CNTNAP2: variants seen among roughly 807,000 people sequenced by gnomAD.
The protein encoded by CNTNAP2 is contactin-associated protein-like 2.
Under a neutral mutation model 155.2 loss-of-function variants are expected in CNTNAP2, and 98 were observed. That is an observed-to-expected ratio of 0.63 (90% confidence interval 0.54 to 0.75). The LOEUF (loss-of-function observed/expected upper bound fraction) is 0.75, where lower values mean the gene tolerates loss of function less well. Among genes scored for constraint, CNTNAP2 ranks in the 30% least tolerant of loss-of-function variants. CNTNAP2 has a pLI of 0.00. For synonymous variants in CNTNAP2, 651 were observed against 631.2 expected, an observed-to-expected ratio of 1.03 and a Z score of -0.47; for missense variants, 1,727 against 1,688.1, an observed-to-expected ratio of 1.02 and a Z score of -0.40.
intron 9 of CNTNAP2, among the ~76,000 whole-genome samples, chr7:147,341,471 C>T (rs1795762488): frequency 6.6e-6 from 1 of 151,804 alleles, no homozygotes; most frequent in African/African-American, 2.4e-5. Flanking sequence ...AAGGGAAAAA[C>T]TGTATGTAGA....
intron 13 of CNTNAP2, among the ~76,000 whole-genome samples, chr7:147,814,409 T>C (rs1798234300): frequency 6.6e-6 from 1 of 152,212 alleles, no homozygotes; most frequent in African/African-American, 2.4e-5. Context: ...ATCAAAATGG[T>C]GTAGCTGCAT....
chr7:147,941,020 A>G (rs538497237), intron 14 of CNTNAP2, among the ~76,000 whole-genome samples: 1 of 152,218 alleles, frequency 6.6e-6, no homozygotes, highest in Non-Finnish European at 1.5e-5. Context: ...TGGAGGTATT[A>G]ATAGCCGGAA....
intron 13 of CNTNAP2, among the ~76,000 whole-genome samples, chr7:147,705,843 CTG>C (rs1440495440): frequency 6.6e-6 from 1 of 152,030 alleles, no homozygotes; most frequent in South Asian, 2.1e-4. Context: ...GACTTAAAGT[CTG>C]TGTTTTCTCA....
chr7:147,347,915 G>T (rs531786782), intron 9 of CNTNAP2, among the ~76,000 whole-genome samples: 2 of 151,940 alleles, frequency 1.3e-5, no homozygotes, highest in African/African-American at 4.8e-5. Flanking sequence ...CAAACATGCC[G>T]AGAACACTCA....
At chr7:147,688,433 C>T (rs190537542) in intron 13 of CNTNAP2, among the ~76,000 whole-genome samples, 60 of 152,286 alleles carry the variant, frequency 3.9e-4, no homozygotes, top group Non-Finnish European at 7.4e-4. Context: ...CTACTTATCT[C>T]TCCCACACTT....
intron 1 of CNTNAP2, among the ~76,000 whole-genome samples, chr7:146,627,549 T>C (rs528242574): frequency 6.6e-6 from 1 of 152,278 alleles, no homozygotes; most frequent in South Asian, 2.1e-4. Context: ...TCTCTTGTAA[T>C]GTCTAGTTCT....
intron 14 of CNTNAP2, among the ~76,000 whole-genome samples, chr7:147,928,661 C>T (rs992390476): frequency 5.9e-5 from 9 of 152,138 alleles, no homozygotes; most frequent in Non-Finnish European, 1.3e-4. Context: ...CTGATGTCAG[C>T]AACATTCTAA....
At chr7:146,207,652 T>C (rs979482435) in intron 1 of CNTNAP2, among the ~76,000 whole-genome samples, 1 of 151,100 alleles carries the variant, frequency 6.6e-6, no homozygotes, top group Non-Finnish European at 1.5e-5. Context: ...TTTTTTTTTT[T>C]TTTTTTTAAC....
chr7:146,491,883 A>T (rs1797145544), intron 1 of CNTNAP2, among the ~76,000 whole-genome samples: 1 of 152,140 alleles, frequency 6.6e-6, no homozygotes, highest in African/African-American at 2.4e-5. Context: ...TGCTTGTGAG[A>T]ATTTCTATAT....
chr7:146,886,433 G>C (rs1387022096), intron 3 of CNTNAP2, among the ~76,000 whole-genome samples: 1 of 151,998 alleles, frequency 6.6e-6, no homozygotes, highest in Non-Finnish European at 1.5e-5. Context: ...CTTTTTGGTA[G>C]ATATCTCCAA....
At chr7:147,526,731 A>C (rs1799328414) in intron 11 of CNTNAP2, among the ~76,000 whole-genome samples, 1 of 152,144 alleles carries the variant, frequency 6.6e-6, no homozygotes, top group African/African-American at 2.4e-5. Context: ...AACCTCTTTG[A>C]GTTCAGTCCT....
At chr7:146,239,242 A>G (rs802556) in intron 1 of CNTNAP2, among the ~76,000 whole-genome samples, 27,565 of 152,100 alleles carry the variant, frequency 0.18, 3,133 homozygotes, top group African/African-American at 0.3. Context: ...ATTTTTCTGC[A>G]GCTCCGGCTT....
intron 1 of CNTNAP2, among the ~76,000 whole-genome samples, chr7:146,700,127 G>T (rs1748842735): frequency 6.6e-6 from 1 of 152,088 alleles, no homozygotes; most frequent in Non-Finnish European, 1.5e-5. Flanking sequence ...CCCCTTCCAA[G>T]ACTGGACCTC....
intron 1 of CNTNAP2, among the ~76,000 whole-genome samples, chr7:146,705,886 A>C (rs894610309): frequency 6.6e-6 from 1 of 152,170 alleles, no homozygotes; most frequent in African/African-American, 2.4e-5. Flanking sequence ...AAGCTATATC[A>C]TATGGTATCC....
chr7:146,600,670 A>G (rs1477425404), intron 1 of CNTNAP2, among the ~76,000 whole-genome samples: 1 of 152,098 alleles, frequency 6.6e-6, no homozygotes, highest in Non-Finnish European at 1.5e-5. Flanking sequence ...TAGTACTTGT[A>G]TTGTTGCATC....
intron 4 of CNTNAP2, among the ~76,000 whole-genome samples, chr7:147,056,447 A>G (rs1234861424): frequency 6.6e-6 from 1 of 152,118 alleles, no homozygotes; most frequent in East Asian, 1.9e-4. Flanking sequence ...ATCCTTTTAC[A>G]GGGTTTTGCT....
At chr7:148,363,011 G>A (rs536793454) in intron 21 of CNTNAP2, among the ~76,000 whole-genome samples, 21 of 151,644 alleles carry the variant, frequency 1.4e-4, no homozygotes, top group African/African-American at 4.6e-4. Context: ...ACGGAGTTTC[G>A]CTTTTTGTTG....
intron 1 of CNTNAP2, among the ~76,000 whole-genome samples, chr7:146,628,746 A>G (rs1799462304): frequency 6.6e-6 from 1 of 152,140 alleles, no homozygotes. Context: ...ATATGAGCAC[A>G]GAAGGACCTA....
intron 1 of CNTNAP2, among the ~76,000 whole-genome samples, chr7:146,688,668 TC>T (rs1800645282): frequency 6.6e-6 from 1 of 152,144 alleles, no homozygotes; most frequent in Non-Finnish European, 1.5e-5. Context: ...TGGCTATTTT[TC>T]ACTTTTGTCG....
Sources: gnomAD v4.1 joint callset for allele counts (sites outside exome capture counted in the v4.1 genomes callset) on GRCh38, gnomAD v4.1.1 for gene constraint, MANE v1.5 for transcripts, NCBI Gene and HGNC (gene_info 2026-07-23, HGNC 2026-07-21) for gene names.